The following DLG2 variants were observed in gnomAD, a reference collection of about 807,000 sequenced individuals.
The protein encoded by DLG2 is discs large MAGUK scaffold protein 2.
DLG2 carries 45 observed loss-of-function variants against 132.5 expected under a neutral mutation model. That is an observed-to-expected ratio of 0.34 (90% CI 0.27 to 0.44). The LOEUF (loss-of-function observed/expected upper bound fraction) is 0.44, where lower values mean the gene tolerates loss of function less well. Ranked by LOEUF, DLG2 falls within the 20% of genes least tolerant of loss-of-function variation. DLG2 has a pLI of 1.00. For missense variants in DLG2, 1,045 were observed against 1,196.9 expected, an observed-to-expected ratio of 0.87 and a Z score of 1.87; for synonymous variants, 424 against 419.6, an observed-to-expected ratio of 1.01 and a Z score of -0.13.
At chr11:84,862,827 G>GGC (rs1566188269) in intron 6 of DLG2, among the ~76,000 whole-genome samples, 2 of 128,438 alleles carry the variant, frequency 1.6e-5, no homozygotes, top group East Asian at 2.9e-4. Context: ...CGGGGGGGGG[G>GGC]GGTGGGGGAC....
At chr11:85,560,859 T>C (rs569326484) in intron 3 of DLG2, among the ~76,000 whole-genome samples, 2 of 150,618 alleles carry the variant, frequency 1.3e-5, no homozygotes, top group East Asian at 3.9e-4. Context: ...TAGTGAGATA[T>C]CGTCTCTACA....
intron 3 of DLG2, among the ~76,000 whole-genome samples, chr11:85,565,255 G>A (rs564321553): frequency 2.6e-5 from 4 of 152,152 alleles, no homozygotes; most frequent in African/African-American, 9.6e-5. Flanking sequence ...AGCCAGTGAT[G>A]AGAAGTGATG....
chr11:83,467,791 AT>A (rs1171693675), intron 25 of DLG2, among the ~76,000 whole-genome samples: 1 of 106,986 alleles, frequency 9.3e-6, no homozygotes, highest in African/African-American at 3.8e-5. Context: ...ATATATATAT[AT>A]ATATATATAT....
intron 8 of DLG2, among the ~76,000 whole-genome samples, chr11:84,247,146 A>T (rs935697265): frequency 6.6e-6 from 1 of 152,236 alleles, no homozygotes. Flanking sequence ...GCAAAATAAA[A>T]AAGCATTCTA....
intron 7 of DLG2, among the ~76,000 whole-genome samples, chr11:84,321,321 C>G (rs1453420949): frequency 6.6e-6 from 1 of 152,190 alleles, no homozygotes; most frequent in African/African-American, 2.4e-5. Flanking sequence ...TGCTCTAATT[C>G]TCTCTCACAC....
intron 16 of DLG2, among the ~76,000 whole-genome samples, chr11:83,871,884 T>C (rs1047709417): frequency 2.0e-5 from 3 of 151,998 alleles, no homozygotes; most frequent in Admixed American, 6.5e-5. Flanking sequence ...ATAAATTTTG[T>C]TTTTTTTCAG....
At chr11:83,490,664 C>T (rs1220810846) in intron 21 of DLG2, among the ~76,000 whole-genome samples, 2 of 151,880 alleles carry the variant, frequency 1.3e-5, no homozygotes, top group Non-Finnish European at 2.9e-5. Flanking sequence ...AAATTAGCAT[C>T]GCCAAATTGT....
intron 6 of DLG2, among the ~76,000 whole-genome samples, chr11:84,578,230 A>C (rs1252043979): frequency 7.3e-6 from 1 of 136,268 alleles, no homozygotes; most frequent in East Asian, 1.9e-4. Context: ...CAGACCCCCC[A>C]CCCCATACAA....
chr11:84,864,678 G>T (rs1270329943), intron 6 of DLG2, among the ~76,000 whole-genome samples: 3 of 152,076 alleles, frequency 2.0e-5, no homozygotes, highest in African/African-American at 7.2e-5. Context: ...TAGATTCTGG[G>T]ATGTAAACAA....
intron 18 of DLG2, among the ~76,000 whole-genome samples, chr11:83,773,614 C>T (rs1594111126): frequency 6.6e-6 from 1 of 152,156 alleles, no homozygotes; most frequent in Non-Finnish European, 1.5e-5. Context: ...GGCTATTTTT[C>T]GGCATTGAAG....
chr11:84,540,505 T>C (rs2099365917), intron 6 of DLG2, among the ~76,000 whole-genome samples: 1 of 151,970 alleles, frequency 6.6e-6, no homozygotes, highest in Non-Finnish European at 1.5e-5. Context: ...ACCATCTCAC[T>C]CAGTTAGAAT....
intron 3 of DLG2, among the ~76,000 whole-genome samples, chr11:85,433,774 A>G (rs1346081119): frequency 6.6e-6 from 1 of 152,200 alleles, no homozygotes; most frequent in Non-Finnish European, 1.5e-5. Context: ...TAGAAAATTA[A>G]CAAGGATGTT....
intron 6 of DLG2, among the ~76,000 whole-genome samples, chr11:84,637,626 C>T (rs1445574133): frequency 5.9e-5 from 9 of 152,302 alleles, no homozygotes; most frequent in Admixed American, 5.2e-4. Flanking sequence ...TTCATTTGTT[C>T]TTGTCTGGGG....
chr11:84,734,614 T>C (rs537046804), intron 6 of DLG2, among the ~76,000 whole-genome samples: 16 of 152,292 alleles, frequency 1.1e-4, no homozygotes, highest in South Asian at 8.3e-4. Flanking sequence ...CTTTTCCCAA[T>C]TGAATACCCT....
chr11:83,864,890 A>G (rs2062034735), intron 16 of DLG2, among the ~76,000 whole-genome samples: 1 of 152,134 alleles, frequency 6.6e-6, no homozygotes, highest in Non-Finnish European at 1.5e-5. Flanking sequence ...AGGCTGACAA[A>G]TGATACCTGA....
chr11:83,962,992 G>C lies in DLG2; in HGVS notation c.1233C>G (p.Leu411=). Residue 411 remains leucine (L), a synonymous_variant, in exon 14 of 28, where the codon CTC becomes CTG. Transcript: ENST00000376104. ...SYSPPMENHL[L]SGNNGTLEYK... The stretch of plus-strand genomic sequence containing the variant: ...ATTCTAAAGTGCCATTGTTGCCAGA[G>C]AGTAGATGGTTTTCCATTGGTGGAG... 1 of 1,613,088 alleles carries C rather than the reference G, an allele frequency of 6.2e-7. No homozygotes were observed. The highest frequency in any genetic ancestry group is 1.1e-5 in the South Asian group (1 of 91,070).
At chr11:83,480,186 G>C (rs1202781144) in intron 22 of DLG2, among the ~76,000 whole-genome samples, 1 of 152,004 alleles carries the variant, frequency 6.6e-6, no homozygotes, top group East Asian at 1.9e-4. Flanking sequence ...ATCACATAAG[G>C]GTGCACTGAT....
chr11:85,025,209 G>A (rs494517), intron 6 of DLG2, among the ~76,000 whole-genome samples: 22,078 of 152,158 alleles, frequency 0.15, 1,723 homozygotes, highest in South Asian at 0.27. Context: ...CTGCATTTAT[G>A]TATATTTGAG....
chr11:84,614,237 T>G (rs2099600230), intron 6 of DLG2, among the ~76,000 whole-genome samples: 1 of 152,136 alleles, frequency 6.6e-6, no homozygotes, highest in Non-Finnish European at 1.5e-5. Context: ...TGATATAAAA[T>G]AATAGAGGCT....
Sources: gnomAD v4.1 joint callset for allele counts (sites outside exome capture counted in the v4.1 genomes callset) on GRCh38, gnomAD v4.1.1 for gene constraint, MANE v1.5 for transcripts, NCBI Gene and HGNC (gene_info 2026-07-23, HGNC 2026-07-21) for gene names.